SH3RF1: variants seen among roughly 807,000 people sequenced by gnomAD.
SH3RF1 encodes the protein E3 ubiquitin-protein ligase SH3RF1.
Under a neutral mutation model 74.0 loss-of-function variants are expected in SH3RF1, and 32 were observed. The observed-to-expected ratio is 0.43, with a 90% CI of 0.33 to 0.58. The LOEUF (loss-of-function observed/expected upper bound fraction) is 0.58. SH3RF1 is among the 20% of genes least tolerant of loss of function. SH3RF1 has a pLI of 0.05. For synonymous variants in SH3RF1, 396 were observed against 439.6 expected (o/e 0.90, Z 1.24); for missense variants, 954 against 1,130.9 (o/e 0.84, Z 2.24).
chr4:169,250,667 T>C (rs1362723699), intron 2 of SH3RF1, among the ~76,000 whole-genome samples: 1 of 152,216 alleles, frequency 6.6e-6, no homozygotes, highest in Non-Finnish European at 1.5e-5. Context: ...TCATGGAGCC[T>C]ACTGCCTATT....
rs761229365 is a variant in SH3RF1 at position 169,242,738 on chromosome 4, C to T, written c.393+26082G>A. Among the ~76,000 whole-genome samples the T allele has an allele frequency of 3.5e-4, 53 of 152,274 alleles. 1 individual carries two copies. Among genetic ancestry groups the T allele is most frequent in the East Asian group, 5.8e-4 (3 of 5,180 alleles). ...AGGGAGTGGGTTTGTTATAAAAGCG[C>T]GTTTGGCCCCCATTGCCATCCATCT... On this transcript the variant is annotated intron_variant, in intron 2 of 11. Coordinates refer to ENST00000284637, the MANE Select transcript of SH3RF1 (RefSeq NM_020870.4).
intron 2 of SH3RF1, among the ~76,000 whole-genome samples, chr4:169,229,626 T>C (rs750627512): frequency 3.3e-5 from 5 of 152,094 alleles, no homozygotes; most frequent in Non-Finnish European, 7.4e-5. Flanking sequence ...AACATCCCTA[T>C]AAATAACCTG....
chr4:169,135,931 C>T (rs1244689357), intron 5 of SH3RF1, among the ~76,000 whole-genome samples: 3 of 152,206 alleles, frequency 2.0e-5, no homozygotes, highest in South Asian at 2.1e-4. Context: ...CAACTACAAA[C>T]GTCACGAGTT....
chr4:169,267,989 A>C (rs997479926), intron 2 of SH3RF1, among the ~76,000 whole-genome samples: 2 of 152,264 alleles, frequency 1.3e-5, no homozygotes, highest in Admixed American at 1.3e-4. Flanking sequence ...ATGAGAAAGC[A>C]CATTTTATCA....
At chr4:169,263,729 A>T (rs1237064637) in intron 2 of SH3RF1, among the ~76,000 whole-genome samples, 1 of 152,204 alleles carries the variant, frequency 6.6e-6, no homozygotes, top group African/African-American at 2.4e-5. Context: ...GGTACTACTG[A>T]GTCCTGGAAA....
chr4:169,158,741 C>G (rs1734102043), intron 2 of SH3RF1, among the ~76,000 whole-genome samples: 2 of 152,078 alleles, frequency 1.3e-5, no homozygotes, highest in South Asian at 4.1e-4. Context: ...TGTCTGCCCC[C>G]CGACCTGTAA....
chr4:169,224,279 T>C (rs139768997), intron 2 of SH3RF1, among the ~76,000 whole-genome samples: 5 of 151,956 alleles, frequency 3.3e-5, no homozygotes, highest in East Asian at 1.9e-4. Context: ...ACAGAGGAAA[T>C]GGCATATTGC....
intron 2 of SH3RF1, among the ~76,000 whole-genome samples, chr4:169,168,171 A>G (rs1296445275): frequency 1.3e-5 from 2 of 151,918 alleles, no homozygotes; most frequent in Non-Finnish European, 2.9e-5. Flanking sequence ...AAGTATCACA[A>G]TGAGTAACAA....
chr4:169,250,580 A>G (rs2110745269), intron 2 of SH3RF1, among the ~76,000 whole-genome samples: 1 of 152,352 alleles, frequency 6.6e-6, no homozygotes, highest in East Asian at 1.9e-4. Flanking sequence ...ATTCTTATTG[A>G]GAACCTACTA....
chr4:169,221,127 T>A (rs1354272802), intron 2 of SH3RF1, among the ~76,000 whole-genome samples: 1 of 152,250 alleles, frequency 6.6e-6, no homozygotes, highest in African/African-American at 2.4e-5. Context: ...ACAACATCAT[T>A]CTGTGCTCTC....
chr4:169,253,301 ATTTG>A (rs1197215729), intron 2 of SH3RF1, among the ~76,000 whole-genome samples: 1 of 152,186 alleles, frequency 6.6e-6, no homozygotes, highest in Non-Finnish European at 1.5e-5. Context: ...AGTGTTACTT[ATTTG>A]TAAGTATCAG....
intron 5 of SH3RF1, among the ~76,000 whole-genome samples, chr4:169,130,936 G>T (rs1370405643): frequency 6.6e-6 from 1 of 152,186 alleles, no homozygotes; most frequent in African/African-American, 2.4e-5. Context: ...TGCACAAATG[G>T]AAGTGTTTCT....
Position 169,094,361 on chromosome 4 carries a change from C to G in SH3RF1, c.*2158G>C, listed in dbSNP as rs1241461038. 6.6e-6 allele frequency: 1 copy of G among 151,990 alleles called. No homozygotes were observed. The highest frequency in any genetic ancestry group is 6.6e-5 in the Admixed American group (1 of 15,242). The allele number at this position is 151,990 out of a possible 1,614,324, so 9.4% of individuals were successfully genotyped here. Reference sequence around the variant, plus strand: ...TCGCAATTTTATCATTACCATATCACTGTGTAACAAGCCCTTGTTACAAAA... The same window carrying G: ...TCGCAATTTTATCATTACCATATCAGTGTGTAACAAGCCCTTGTTACAAAA... On this transcript the variant is annotated 3_prime_UTR_variant, in exon 12 of 12. Coordinates refer to ENST00000284637, the MANE Select transcript of SH3RF1 (RefSeq NM_020870.4).
chr4:169,122,638 T>C (rs920194193), intron 6 of SH3RF1, among the ~76,000 whole-genome samples: 1 of 152,164 alleles, frequency 6.6e-6, no homozygotes, highest in Non-Finnish European at 1.5e-5. Flanking sequence ...TCATGCTGCT[T>C]GCTAGGAATT....
rs115655858 is a variant in SH3RF1, at chr4:169,127,939, A to G, written c.1179+2107T>C. On this transcript the variant is annotated intron_variant, in intron 6 of 11. Transcript: ENST00000284637. ...TTTTAGATTTTAAAATATTTACTTC[A>G]CCAGTTAAGCATCCCAAATCCAAAA... 4.9e-3 allele frequency among the ~76,000 whole-genome samples: 753 copies of G among 152,266 alleles called. 5 individuals are homozygous for G. The highest frequency in any genetic ancestry group is 0.017 in the African/African-American group (688 of 41,544).
At chr4:169,135,932 G>A (rs377709837) in intron 5 of SH3RF1, among the ~76,000 whole-genome samples, 4 of 152,144 alleles carry the variant, frequency 2.6e-5, no homozygotes, top group African/African-American at 2.4e-5. Context: ...AACTACAAAC[G>A]TCACGAGTTT....
intron 10 of SH3RF1, among the ~76,000 whole-genome samples, chr4:169,115,697 C>T (rs938298971): frequency 1.3e-5 from 2 of 152,170 alleles, no homozygotes; most frequent in Non-Finnish European, 1.5e-5. Context: ...ACCATTTCCC[C>T]GCCACCACCC....
chr4:169,184,124 C>G (rs751969049), intron 2 of SH3RF1, among the ~76,000 whole-genome samples: 1 of 152,128 alleles, frequency 6.6e-6, no homozygotes, highest in Non-Finnish European at 1.5e-5. Context: ...TCTGAAGGTA[C>G]CAGACCTCAG....
At chr4:169,152,089 A>G (rs909839436) in intron 4 of SH3RF1, among the ~76,000 whole-genome samples, 15 of 152,296 alleles carry the variant, frequency 9.8e-5, no homozygotes, top group Middle Eastern at 3.4e-3. Context: ...TAAAAAATAT[A>G]CCCTTTTATA....
Sources: gnomAD v4.1 joint callset for allele counts (sites outside exome capture counted in the v4.1 genomes callset) on GRCh38, gnomAD v4.1.1 for gene constraint, MANE v1.5 for transcripts, NCBI Gene and HGNC (gene_info 2026-07-23, HGNC 2026-07-21) for gene names.